SMC6: variants seen among roughly 807,000 people sequenced by gnomAD.
SMC6 encodes structural maintenance of chromosomes protein 6.
A neutral mutation model predicts 142.2 loss-of-function variants in SMC6; 79 were observed. The observed-to-expected ratio is 0.56, with a 90% CI of 0.46 to 0.67. The LOEUF (loss-of-function observed/expected upper bound fraction) is 0.67. Ranked by LOEUF, SMC6 falls within the 30% of genes least tolerant of loss-of-function variation. The probability of loss-of-function intolerance (pLI) is 0.00; values close to 1 mark genes in which losing one functional copy is unlikely to be tolerated. For missense variants in SMC6, 1,072 were observed against 1,284.0 expected, an observed-to-expected ratio of 0.83 and a Z score of 2.52; for synonymous variants, 411 against 412.4, an observed-to-expected ratio of 1.00 and a Z score of 0.04.
intron 20 of SMC6, among the ~76,000 whole-genome samples, chr2:17,701,377 A>G (rs560529327): frequency 1.3e-5 from 2 of 152,246 alleles, no homozygotes; most frequent in South Asian, 4.1e-4. Context: ...TTACAGTAAA[A>G]AATGCGTTGA....
intron 7 of SMC6, among the ~76,000 whole-genome samples, chr2:17,730,633 A>C: frequency 7.0e-6 from 1 of 143,778 alleles, no homozygotes. Context: ...ATGGAGTTTC[A>C]CTCTTGTTGC....
At chr2:17,670,327 G>T in intron 26 of SMC6, 96 bp downstream of exon 26, 1 of 1,276,108 alleles carries the variant, frequency 7.8e-7, no homozygotes, top group Non-Finnish European at 1.1e-6. Flanking sequence ...GATCTTTCCT[G>T]TTAGGGGTAA....
intron 5 of SMC6, among the ~76,000 whole-genome samples, chr2:17,736,656 CTTGAGCCCAGGAG>C (rs1040311257): frequency 3.3e-5 from 5 of 151,198 alleles, no homozygotes; most frequent in Admixed American, 2.0e-4. Flanking sequence ...AGGTAGATCA[CTTGAGCCCAGGAG>C]TTGAGCCCAG....
intron 5 of SMC6, among the ~76,000 whole-genome samples, 200 bp downstream of exon 5, chr2:17,738,021 A>G (rs1044302710): frequency 6.6e-6 from 1 of 152,226 alleles, no homozygotes; most frequent in Non-Finnish European, 1.5e-5. Context: ...TACACAAGCT[A>G]TCTGTCTTGA....
At position 17,721,224 on chromosome 2, in the gene SMC6, T is replaced by C. The variant is rs778937504; in HGVS notation, c.764A>G (p.Glu255Gly). The change falls in exon 10 of 28, where the codon GAG becomes GGG. Residue 255 changes from glutamate (E) to glycine (G), a missense_variant. By Grantham distance (98) the Glu-to-Gly change is moderately conservative. Coordinates refer to ENST00000448223, the MANE Select transcript of SMC6 (RefSeq NM_001142286.2). The stretch of plus-strand genomic sequence containing the variant: ...ACCAGCAATACTTTGAAAACGTTCC[T>C]CTTTCTCTACACACTGGCGCTTTAG... Reference protein sequence around the residue: ...TELKRQCVEKEERFQSIAGLS... With the variant: ...TELKRQCVEKGERFQSIAGLS... 1 of 1,611,322 alleles carries C rather than the reference T, an allele frequency of 6.2e-7. No individual in the cohort carries two copies. Among genetic ancestry groups the C allele is most frequent in the South Asian group, 1.1e-5 (1 of 90,076 alleles).
intron 25 of SMC6, among the ~76,000 whole-genome samples, chr2:17,678,084 T>G (rs1429233345): frequency 6.6e-6 from 1 of 152,090 alleles, no homozygotes; most frequent in Admixed American, 6.6e-5. Context: ...CAAATCAAGT[T>G]GAACACGGCA....
intron 24 of SMC6, 109 bp from the exon 25 acceptor site, chr2:17,679,073 G>GTAAA (rs1213754841): frequency 1.4e-5 from 9 of 652,520 alleles, no homozygotes; most frequent in Non-Finnish European, 2.3e-5. Context: ...ATGCCAAAAT[G>GTAAA]TAAACATTGG....
chr2:17,746,377 C>G (rs1572367507), intron 2 of SMC6: 1 of 152,748 alleles, frequency 6.5e-6, no homozygotes, highest in African/African-American at 2.4e-5. Flanking sequence ...ACTAAACTCA[C>G]AAAAGGTAAA....
At chr2:17,735,655 T>C (rs966532019) in intron 5 of SMC6, among the ~76,000 whole-genome samples, 3 of 152,132 alleles carry the variant, frequency 2.0e-5, no homozygotes, top group South Asian at 2.1e-4. Context: ...AGAATCTAAA[T>C]AGCAAAGGGC....
intron 4 of SMC6, 44 bp downstream of exon 4, chr2:17,741,562 TAATCTC>T: frequency 8.5e-7 from 1 of 1,176,322 alleles, no homozygotes; most frequent in South Asian, 1.4e-5. Flanking sequence ...TAACGTACTC[TAATCTC>T]AAAGTACTGC....
At chr2:17,734,010 G>A (rs1670027732) in intron 5 of SMC6, among the ~76,000 whole-genome samples, 1 of 152,144 alleles carries the variant, frequency 6.6e-6, no homozygotes, top group African/African-American at 2.4e-5. Context: ...CTTTTCACAA[G>A]GAGAGACAGG....
chr2:17,718,827 T>C lies in SMC6; in HGVS notation c.946-604A>G, dbSNP rs74971664. On this transcript the variant is annotated intron_variant, in intron 11 of 27. Transcript: ENST00000448223. Reference sequence around the variant, plus strand: ...GGTAGAAGGGCCTCGCATTCTACAATGAACAGCTTACAACTTAATCTTCTT... The same window carrying C: ...GGTAGAAGGGCCTCGCATTCTACAACGAACAGCTTACAACTTAATCTTCTT... 5.3e-3 allele frequency among the ~76,000 whole-genome samples: 801 copies of C among 152,302 alleles called. 2 individuals are homozygous for C. Among genetic ancestry groups the C allele is most frequent in the Middle Eastern group, 6.8e-3 (2 of 294 alleles).
In SMC6 at chr2:17,701,789, C is replaced by T. The variant is rs773786287; in HGVS notation, c.2223+40G>A. 3.2e-6 allele frequency: 4 copies of T among 1,253,452 alleles called. No homozygotes were observed. The Middle Eastern group carries it at 6.0e-4, about 188-fold the overall frequency. 77.6% of individuals were successfully genotyped at this position (1,253,452 alleles called of 1,614,324 possible). ...GCCATTAACCTAAATGGTGGCTTTA[C>T]CCTTTAATATTACATTTAAATTGAA... On this transcript the variant is annotated intron_variant, in intron 20 of 27. Coordinates refer to ENST00000448223, the MANE Select transcript of SMC6 (RefSeq NM_001142286.2).
At chr2:17,711,390 A>C (rs1216280054) in intron 16 of SMC6, among the ~76,000 whole-genome samples, 2 of 152,180 alleles carry the variant, frequency 1.3e-5, no homozygotes, top group Non-Finnish European at 2.9e-5. Context: ...GTTCACAAAC[A>C]ATGTTAAGCA....
rs1463489795 is a variant in SMC6, at chr2:17,695,134, A to C, written c.2678+18T>G. On this transcript the variant is annotated intron_variant, in intron 23 of 27. Coordinates refer to ENST00000448223, the MANE Select transcript of SMC6 (RefSeq NM_001142286.2). ...GCATGAATAATGTGGTAAAGCAGAA[A>C]AGCTACCAGCTACTTACCTCATTAT... 7 of 1,611,338 alleles carry C rather than the reference A, an allele frequency of 4.3e-6. No homozygotes were observed. The Admixed American group carries it at 8.4e-5, about 19-fold the overall frequency.
intron 5 of SMC6, among the ~76,000 whole-genome samples, chr2:17,732,195 C>T (rs972182516): frequency 1.3e-5 from 2 of 152,164 alleles, no homozygotes; most frequent in Admixed American, 1.3e-4. Flanking sequence ...ATAAGTTATA[C>T]ATTTTCCTAT....
intron 18 of SMC6, among the ~76,000 whole-genome samples, chr2:17,704,855 G>A (rs944068589): frequency 3.3e-5 from 5 of 152,000 alleles, no homozygotes; most frequent in African/African-American, 7.3e-5. Context: ...GATAAAAATG[G>A]GGCCAGGTGC....
Position 17,678,953 on chromosome 2 carries a change from A to G in SMC6, c.2816T>C (p.Leu939Ser). The change falls in exon 25 of 28, where the codon TTA becomes TCA. Residue 939 changes from leucine to serine, a missense_variant. By Grantham distance (145) the Leu-to-Ser change is moderately radical. Coordinates refer to ENST00000448223, the MANE Select transcript of SMC6 (RefSeq NM_001142286.2). Reference protein sequence around the residue: ...TYQQFRRCLTLRCKLYFDNLL... With the variant: ...TYQQFRRCLTSRCKLYFDNLL... ...GTTGTCAAAGTATAATTTGCATCGT[A>G]AAGTCAAACACCTTGAAATTTAAAA... 1 of 1,610,408 alleles carries G rather than the reference A, an allele frequency of 6.2e-7. No individual in the cohort carries two copies. The highest frequency in any genetic ancestry group is 2.2e-5 in the East Asian group (1 of 44,788).
intron 7 of SMC6, 60 bp downstream of exon 7, chr2:17,731,018 A>G (rs1429320173): frequency 1.5e-6 from 2 of 1,333,542 alleles, no homozygotes; most frequent in Non-Finnish European, 2.2e-6. Context: ...CACAAGTGAA[A>G]TCGCACTAAA....
Sources: gnomAD v4.1 joint callset for allele counts (sites outside exome capture counted in the v4.1 genomes callset) on GRCh38, gnomAD v4.1.1 for gene constraint, MANE v1.5 for transcripts, NCBI Gene and HGNC (gene_info 2026-07-23, HGNC 2026-07-21) for gene names.